PIK3R3: variants seen among roughly 807,000 people sequenced by gnomAD.
PIK3R3 encodes the protein phosphatidylinositol 3-kinase regulatory subunit gamma.
In PIK3R3, 64 loss-of-function variants were observed where a neutral mutation model predicts 62.9. The ratio of observed to expected loss-of-function variants is 1.02; its 90% CI spans 0.83 to 1.25. PIK3R3 has a LOEUF of 1.25. Among genes scored for constraint, PIK3R3 ranks in the 50% most tolerant of loss-of-function variants. The pLI, the probability that PIK3R3 is intolerant of heterozygous loss-of-function variation, is 0.00. For missense variants in PIK3R3, 614 were observed against 561.6 expected (o/e 1.09, Z -0.94); for synonymous variants, 165 against 189.0 (o/e 0.87, Z 1.04).
the PIK3R3 span, chr1:46,139,216 A>AC: frequency 6.6e-6 from 1 of 151,888 alleles, no homozygotes; most frequent in African/African-American, 2.4e-5. Context: ...TTTGCTCAGT[A>AC]CCCCATAAGA....
chr1:46,040,562 C>G lies in PIK3R3; in HGVS notation c.*3111G>C. On this transcript the variant is annotated 3_prime_UTR_variant, in exon 10 of 10. Coordinates refer to ENST00000262741, the MANE Select transcript of PIK3R3 (RefSeq NM_003629.4). ...GTTGGCAGCAGAGGGCCCAAGCAGG[C>G]CCCCTATCTGGACCCTCTGGTTTCT... The G allele has an allele frequency of 4.4e-6, 1 of 226,460 alleles. No homozygotes were observed. 14.0% of individuals were successfully genotyped at this position (226,460 alleles called of 1,614,324 possible).
chr1:46,133,023 G>C, upstream of PIK3R3: 1 of 1,030,122 alleles, frequency 9.7e-7, no homozygotes, highest in Non-Finnish European at 1.2e-6. Context: ...GGTGGTGATT[G>C]GCTGAGGCCG....
intron 3 of PIK3R3, among the ~76,000 whole-genome samples, chr1:46,073,590 A>G (rs1252135072): frequency 6.6e-6 from 1 of 151,922 alleles, no homozygotes; most frequent in Non-Finnish European, 1.5e-5. Context: ...CTTTTCATCC[A>G]TGTTTCAGCC....
intron 1 of PIK3R3, among the ~76,000 whole-genome samples, chr1:46,090,084 T>C (rs1571461841): frequency 6.6e-6 from 1 of 152,304 alleles, no homozygotes; most frequent in East Asian, 1.9e-4. Context: ...ACTATAAACC[T>C]TGTAGTACTT....
chr1:46,129,238 A>G (rs1355726308), intron 1 of PIK3R3, among the ~76,000 whole-genome samples: 2 of 152,186 alleles, frequency 1.3e-5, no homozygotes, highest in Non-Finnish European at 2.9e-5. Context: ...TTGTGAGTGA[A>G]AGGCATCCCA....
At chr1:46,094,005 G>T (rs1222895843) in intron 1 of PIK3R3, among the ~76,000 whole-genome samples, 2 of 151,338 alleles carry the variant, frequency 1.3e-5, no homozygotes, top group Non-Finnish European at 2.9e-5. Flanking sequence ...GGATGTCGAG[G>T]CTACAGTGAG....
chr1:46,164,624 C>T, the PIK3R3 span, among the ~76,000 whole-genome samples: 2 of 152,102 alleles, frequency 1.3e-5, no homozygotes, highest in African/African-American at 2.4e-5. Context: ...AGCGAAACTC[C>T]GTCTCAACAA....
chr1:46,132,701 G>C (rs751316416), upstream of PIK3R3: 2 of 1,289,414 alleles, frequency 1.6e-6, no homozygotes, highest in South Asian at 2.5e-5. Flanking sequence ...CTGCCCACCC[G>C]CTGAGGCGCC....
At chr1:46,121,481 T>C (rs554141798) in intron 1 of PIK3R3, among the ~76,000 whole-genome samples, 2 of 152,288 alleles carry the variant, frequency 1.3e-5, no homozygotes, top group African/African-American at 4.8e-5. Flanking sequence ...TGATTCATAA[T>C]TGAATTTTTC....
intron 1 of PIK3R3, among the ~76,000 whole-genome samples, chr1:46,100,115 T>A (rs1652515799): frequency 6.6e-6 from 1 of 152,210 alleles, no homozygotes; most frequent in Non-Finnish European, 1.5e-5. Context: ...TATCTCATGC[T>A]GAATTTCAAT....
intron 1 of PIK3R3, among the ~76,000 whole-genome samples, chr1:46,092,984 AC>A (rs1218256562): frequency 1.3e-5 from 2 of 152,166 alleles, no homozygotes; most frequent in Non-Finnish European, 2.9e-5. Context: ...AATTGGTTTC[AC>A]CAGTAATGGT....
chr1:46,169,901 C>G, the PIK3R3 span, among the ~76,000 whole-genome samples: 1 of 152,132 alleles, frequency 6.6e-6, no homozygotes, highest in Non-Finnish European at 1.5e-5. Flanking sequence ...CAAGGGTCCC[C>G]ATACAAATTT....
At chr1:46,053,908 T>G (rs1463702079) in intron 7 of PIK3R3, among the ~76,000 whole-genome samples, 1 of 152,128 alleles carries the variant, frequency 6.6e-6, no homozygotes, top group Admixed American at 6.6e-5. Flanking sequence ...CAGAACCACG[T>G]GAGCATTCCA....
At chr1:46,123,129 C>T (rs1021666010) in intron 1 of PIK3R3, among the ~76,000 whole-genome samples, 1 of 152,122 alleles carries the variant, frequency 6.6e-6, no homozygotes, top group Non-Finnish European at 1.5e-5. Flanking sequence ...CCTCAAGAAA[C>T]TTATCTTGTT....
chr1:46,094,002 G>A (rs909459166), intron 1 of PIK3R3, among the ~76,000 whole-genome samples: 1 of 151,598 alleles, frequency 6.6e-6, no homozygotes, highest in Non-Finnish European at 1.5e-5. Context: ...CCAGGATGTC[G>A]AGGCTACAGT....
At chr1:46,053,855 T>G (rs1647609353) in intron 7 of PIK3R3, among the ~76,000 whole-genome samples, 1 of 152,188 alleles carries the variant, frequency 6.6e-6, no homozygotes, top group African/African-American at 2.4e-5. Context: ...TTTTGGTGTA[T>G]AGCATAGCCT....
Position 46,043,500 on chromosome 1 carries a change from A to G in PIK3R3, c.*173T>C. The G allele has an allele frequency of 1.7e-6, 1 of 605,672 alleles. No homozygotes were observed. Among genetic ancestry groups the G allele is most frequent in the Non-Finnish European group, 2.9e-6 (1 of 339,824 alleles). 37.5% of individuals were successfully genotyped at this position (605,672 alleles called of 1,614,324 possible). A position where few individuals can be genotyped will look rare whatever the true frequency, so the allele number is the denominator to read the frequency against. The stretch of plus-strand genomic sequence containing the variant: ...GCATGGCTGAGTCCTAGAGAACCTC[A>G]GGCCTCTAATGCCCCCATCCCGGCC... On this transcript the variant is annotated 3_prime_UTR_variant, in exon 10 of 10. Coordinates refer to ENST00000262741, the MANE Select transcript of PIK3R3 (RefSeq NM_003629.4).
chr1:46,088,254 T>A (rs938027469), intron 1 of PIK3R3, among the ~76,000 whole-genome samples: 2 of 151,816 alleles, frequency 1.3e-5, no homozygotes, highest in East Asian at 1.9e-4. Flanking sequence ...AAGAAACAGA[T>A]AAAATGGTTA....
In PIK3R3 at chr1:46,077,595, T is replaced by C. The variant is rs202165293; in HGVS notation, c.234A>G (p.Lys78=). Residue 78 remains lysine, a synonymous_variant, in exon 3 of 10, where the codon AAA becomes AAG. Transcript: ENST00000262741. ...AGGTCCCATCTGGCATATCCCGCAA[T>C]TTGTCATTTACCTCCTCCCTGAAGA... ...GDISREEVND[K]LRDMPDGTFL... 3.5e-5 allele frequency: 57 copies of C among 1,608,200 alleles called. No individual in the cohort carries two copies. The South Asian group carries it at 5.6e-4, about 16-fold the overall frequency.
Sources: allele counts gnomAD v4.1 joint callset (sites outside exome capture counted in the v4.1 genomes callset), GRCh38; gene constraint gnomAD v4.1.1; transcripts MANE v1.5; gene names NCBI Gene and HGNC (gene_info 2026-07-23, HGNC 2026-07-21).